Variants in MYL9 observed in about 807,000 individuals in gnomAD.
MYL9 encodes myosin regulatory light polypeptide 9.
Under a neutral mutation model 12.8 loss-of-function variants are expected in MYL9, and 7 were observed. The ratio of observed to expected loss-of-function variants is 0.55; its 90% CI spans 0.31 to 1.03. MYL9 has a LOEUF of 1.03. MYL9 is among the 50% of genes least tolerant of loss of function. The pLI is 0.05. For synonymous variants in MYL9, 81 were observed against 87.8 expected (o/e 0.92, Z 0.43); for missense variants, 190 against 242.7 (o/e 0.78, Z 1.44).
chr20:36,542,886 C>G (rs1007127507), intron 1 of MYL9, among the ~76,000 whole-genome samples: 68 of 152,228 alleles, frequency 4.5e-4, no homozygotes, highest in Non-Finnish European at 2.6e-4. Context: ...ACCGGGTGGC[C>G]ATGAAGGCAG....
At chr20:36,548,640 C>T (rs912875849) in intron 3 of MYL9, among the ~76,000 whole-genome samples, 4 of 152,190 alleles carry the variant, frequency 2.6e-5, no homozygotes, top group African/African-American at 4.8e-5. Context: ...CAATGGCATA[C>T]GTTCATCCCT....
At chr20:36,546,829 C>T (rs1218485064) in intron 2 of MYL9, among the ~76,000 whole-genome samples, 1 of 152,152 alleles carries the variant, frequency 6.6e-6, no homozygotes, top group East Asian at 1.9e-4. Flanking sequence ...AGGCTGGTCT[C>T]AAACTCCAGA....
At chr20:36,548,859 A>G (rs1365379892) in intron 3 of MYL9, among the ~76,000 whole-genome samples, 2 of 152,084 alleles carry the variant, frequency 1.3e-5, no homozygotes, top group Admixed American at 6.6e-5. Context: ...TCCTCCCCTC[A>G]GGACCCTGGC....
At chr20:36,542,004 C>T (rs577770184) in intron 1 of MYL9, among the ~76,000 whole-genome samples, 18 of 152,096 alleles carry the variant, frequency 1.2e-4, no homozygotes, top group Admixed American at 7.2e-4. Flanking sequence ...TGGGACTCCA[C>T]GCCCCCACAG....
Position 36,549,391 on chromosome 20 carries a change from A to C in MYL9, c.*142A>C. 1 of 742,344 alleles carries C rather than the reference A, an allele frequency of 1.3e-6. No homozygotes were observed. Among genetic ancestry groups the C allele is most frequent in the Non-Finnish European group, 2.2e-6 (1 of 459,076 alleles). 46.0% of individuals were successfully genotyped at this position (742,344 alleles called of 1,614,324 possible). A position where few individuals can be genotyped will look rare whatever the true frequency, so the allele number is the denominator to read the frequency against. Reference sequence around the variant, plus strand: ...GGTCCCAGTTCCCAGTGGAAGAAACAGGCCAGGAGAAGTGCGTGCCGAGCT... The same window carrying C: ...GGTCCCAGTTCCCAGTGGAAGAAACCGGCCAGGAGAAGTGCGTGCCGAGCT... On this transcript the variant is annotated 3_prime_UTR_variant, in exon 4 of 4. Coordinates refer to ENST00000279022, the MANE Select transcript of MYL9 (RefSeq NM_006097.5).
At chr20:36,548,961 T>G in intron 3 of MYL9, 116 bp from the exon 4 acceptor site, 1 of 1,064,244 alleles carries the variant, frequency 9.4e-7, no homozygotes, top group Non-Finnish European at 1.3e-6. Flanking sequence ...GAGACTAAGA[T>G]TGTATCTTCC....
Position 36,544,973 on chromosome 20 carries a change from A to C in MYL9, c.89A>C (p.Gln30Pro). The change falls in exon 2 of 4, where the codon CAG (glutamine) becomes CCG (proline). Residue 30 changes from glutamine to proline, a missense_variant. By Grantham distance (76) the Gln-to-Pro change is moderately conservative. Coordinates refer to ENST00000279022, the MANE Select transcript of MYL9 (RefSeq NM_006097.5). ...SNVFAMFDQS[Q>P]IQEFKEAFNM... The stretch of plus-strand genomic sequence containing the variant: ...GTCTTCGCAATGTTTGACCAGTCCC[A>C]GATCCAGGAGTTTAAGGAGGCTTTC... 1 of 1,613,986 alleles carries C rather than the reference A, an allele frequency of 6.2e-7. No homozygotes were observed. The highest frequency in any genetic ancestry group is 8.5e-7 in the Non-Finnish European group (1 of 1,180,006).
At position 36,549,127 on chromosome 20, in the gene MYL9, C is replaced by T. The variant is rs771760122; in HGVS notation, c.397C>T (p.Arg133Cys). 5.0e-6 allele frequency: 8 copies of T among 1,613,578 alleles called. No individual in the cohort carries two copies. The highest frequency in any genetic ancestry group is 2.2e-5 in the East Asian group (1 of 44,882). The change falls in exon 4 of 4, where the codon CGC becomes TGC. Residue 133 changes from arginine (R) to cysteine (C), a missense_variant. Coordinates refer to ENST00000279022, the MANE Select transcript of MYL9 (RefSeq NM_006097.5). ...LRELLTTMGDRFTDEEVDEMY... is the reference protein window; with the variant it reads ...LRELLTTMGDCFTDEEVDEMY... ...GGAGCTGCTCACCACCATGGGTGACCGCTTCACAGATGAGGAAGTGGACGA... is the reference window on the plus strand; with the variant it reads ...GGAGCTGCTCACCACCATGGGTGACTGCTTCACAGATGAGGAAGTGGACGA...
At chr20:36,541,600 A>G (rs1028397218) in intron 1 of MYL9, 39 bp downstream of exon 1, 9 of 152,646 alleles carry the variant, frequency 5.9e-5, no homozygotes, top group African/African-American at 2.2e-4. Context: ...GGACAGGCCT[A>G]ACGGCCCAGG....
intron 3 of MYL9, among the ~76,000 whole-genome samples, 200 bp downstream of exon 3, chr20:36,548,393 T>C (rs1020057531): frequency 2.6e-5 from 4 of 152,226 alleles, no homozygotes. Context: ...CCTGCCTTCG[T>C]GATCTCCCCC....
At chr20:36,542,127 C>A (rs1031200254) in intron 1 of MYL9, among the ~76,000 whole-genome samples, 8 of 152,152 alleles carry the variant, frequency 5.3e-5, no homozygotes, top group African/African-American at 1.9e-4. Context: ...CCCGGGCCTT[C>A]CCCTCTCTGG....
Position 36,550,827 on chromosome 20 carries a change from C to CA in MYL9, c.*1581dup, listed in dbSNP as rs1377600305. ...TCCAAACCAGGCCCAAATAGTATCC[C>CA]AAACTCAGTCCCAAACACATTCTCA... On this transcript the variant is annotated 3_prime_UTR_variant, in exon 4 of 4. Coordinates refer to ENST00000279022, the MANE Select transcript of MYL9 (RefSeq NM_006097.5). The CA allele has an allele frequency of 6.6e-6, 1 of 152,568 alleles. No homozygotes were observed. The highest frequency in any genetic ancestry group is 1.5e-5 in the Non-Finnish European group (1 of 68,342). 9.5% of individuals were successfully genotyped at this position (152,568 alleles called of 1,614,324 possible).
At chr20:36,543,718 A>G (rs1419520541) in intron 1 of MYL9, among the ~76,000 whole-genome samples, 1 of 152,200 alleles carries the variant, frequency 6.6e-6, no homozygotes, top group Non-Finnish European at 1.5e-5. Context: ...AAACTGGGGG[A>G]TCTATGCTGG....
At chr20:36,543,173 C>T (rs1406877199) in intron 1 of MYL9, among the ~76,000 whole-genome samples, 1 of 152,206 alleles carries the variant, frequency 6.6e-6, no homozygotes, top group Admixed American at 6.5e-5. Flanking sequence ...AGAAGGAATT[C>T]TGTCTACCTT....
chr20:36,548,500 C>T (rs2038130160), intron 3 of MYL9, among the ~76,000 whole-genome samples: 2 of 152,242 alleles, frequency 1.3e-5, no homozygotes, highest in South Asian at 2.1e-4. Flanking sequence ...ACTGGCCCCC[C>T]TCCTCGGATC....
intron 1 of MYL9, among the ~76,000 whole-genome samples, chr20:36,542,725 C>G (rs1220833621): frequency 6.6e-6 from 1 of 152,204 alleles, no homozygotes; most frequent in African/African-American, 2.4e-5. Flanking sequence ...ATGGGCACTC[C>G]ACTCCCCTTC....
At chr20:36,545,965 T>G (rs1190376143) in intron 2 of MYL9, among the ~76,000 whole-genome samples, 1 of 152,112 alleles carries the variant, frequency 6.6e-6, no homozygotes, top group South Asian at 2.1e-4. Flanking sequence ...TAAATGAAAG[T>G]GTGAACTGCA....
chr20:36,544,858 G>A lies in MYL9; in HGVS notation c.-26-1G>A. 6.4e-7 allele frequency: 1 copy of A among 1,561,434 alleles called. No homozygotes were observed. The highest frequency in any genetic ancestry group is 8.7e-7 in the Non-Finnish European group (1 of 1,144,036). On this transcript the variant is annotated splice_acceptor_variant, in intron 1 of 3. Transcript: ENST00000279022. LOFTEE classifies it low-confidence loss of function (5UTR_SPLICE). Reference sequence around the variant, plus strand: ...CACCCAACCCCCACCCCTTCCTGCAGGGAAGCCCCACCCACCAGAAGCCAA... The same window carrying A: ...CACCCAACCCCCACCCCTTCCTGCAAGGAAGCCCCACCCACCAGAAGCCAA...
Position 36,544,861 on chromosome 20 carries a change from A to T in MYL9, c.-24A>T. 2 of 1,196,504 alleles carry T rather than the reference A, an allele frequency of 1.7e-6. No homozygotes were observed. Among genetic ancestry groups the T allele is most frequent in the Non-Finnish European group, 1.2e-6 (1 of 835,400 alleles). The allele number at this position is 1,196,504 out of a possible 1,614,324, so 74.1% of individuals were successfully genotyped here. Reference sequence around the variant, plus strand: ...CCAACCCCCACCCCTTCCTGCAGGGAAGCCCCACCCACCAGAAGCCAAGAT... The same window carrying T: ...CCAACCCCCACCCCTTCCTGCAGGGTAGCCCCACCCACCAGAAGCCAAGAT... On this transcript the variant is annotated splice_region_variant and 5_prime_UTR_variant, in exon 2 of 4. Coordinates refer to ENST00000279022, the MANE Select transcript of MYL9 (RefSeq NM_006097.5).
Sources: allele counts gnomAD v4.1 joint callset (sites outside exome capture counted in the v4.1 genomes callset), GRCh38; gene constraint gnomAD v4.1.1; transcripts MANE v1.5; gene names NCBI Gene and HGNC (gene_info 2026-07-23, HGNC 2026-07-21).